PCDHA3: variants seen among roughly 807,000 people sequenced by gnomAD.
The protein encoded by PCDHA3 is protocadherin alpha-3.
A neutral mutation model predicts 62.2 loss-of-function variants in PCDHA3; 41 were observed. The observed-to-expected ratio is 0.66, with a 90% CI of 0.51 to 0.86. The LOEUF is 0.86. Among genes scored for constraint, PCDHA3 ranks in the 40% least tolerant of loss-of-function variants. PCDHA3 has a pLI of 0.00. For missense variants in PCDHA3, 1,304 were observed against 1,241.2 expected (o/e 1.05, Z -0.76); for synonymous variants, 640 against 555.4 (o/e 1.15, Z -2.14).
At chr5:140,843,257 C>T (rs146582216) in intron 1 of PCDHA3, 1 of 1,595,938 alleles carries the variant, frequency 6.3e-7, no homozygotes, top group African/African-American at 1.3e-5. Flanking sequence ...TCCGCGCCAC[C>T]GTCTGCTGGT....
chr5:140,912,878 T>C (rs2076104558), intron 1 of PCDHA3, among the ~76,000 whole-genome samples: 1 of 152,236 alleles, frequency 6.6e-6, no homozygotes, highest in Non-Finnish European at 1.5e-5. Flanking sequence ...GTTTTTGGTC[T>C]TCATTCTGTT....
At position 140,822,955 on chromosome 5, in the gene PCDHA3, T is replaced by G. The variant is rs2150120755; in HGVS notation, c.2394+19364T>G. Reference sequence around the variant, plus strand: ...CTGCTCCCTAATGCCCCACGTTCCCTTCAAGCTGGTGTCCACCTTCAAGAA... The same window carrying G: ...CTGCTCCCTAATGCCCCACGTTCCCGTCAAGCTGGTGTCCACCTTCAAGAA... On this transcript the variant is annotated intron_variant, in intron 1 of 3. Transcript: ENST00000522353. The G allele has an allele frequency of 3.7e-6, 6 of 1,614,108 alleles. No homozygotes were observed. The African/African-American group carries it at 8.0e-5, about 22-fold the overall frequency.
intron 1 of PCDHA3, among the ~76,000 whole-genome samples, chr5:140,817,910 A>G (rs191230679): frequency 6.6e-6 from 1 of 152,180 alleles, no homozygotes; most frequent in African/African-American, 2.4e-5. Context: ...ATGACATTCC[A>G]TGGTCTTCTT....
chr5:140,843,565 G>T, intron 1 of PCDHA3: 1 of 1,595,918 alleles, frequency 6.3e-7, no homozygotes, highest in South Asian at 1.1e-5. Flanking sequence ...TGGGGAGCTG[G>T]TCATACTCGC....
chr5:140,928,128 A>C (rs782708968), intron 1 of PCDHA3: 1 of 1,614,194 alleles, frequency 6.2e-7, no homozygotes, highest in Admixed American at 1.7e-5. Context: ...GTGAATACCA[A>C]GTCCTGATCA....
rs782473874 is a variant in PCDHA3, at chr5:140,801,229, C to G, written c.32C>G (p.Ala11Gly). 13 of 1,612,092 alleles carry G rather than the reference C, an allele frequency of 8.1e-6. No homozygotes were observed. In the Admixed American group the frequency reaches 1.3e-4, roughly 17 times the overall value. MLFSWREDPG[A>G]QCLLLSLLLL... ...TTCTCCTGGCGAGAAGATCCTGGAGCCCAGTGCCTGCTGCTTTCTCTTCTG... is the reference window on the plus strand; with the variant it reads ...TTCTCCTGGCGAGAAGATCCTGGAGGCCAGTGCCTGCTGCTTTCTCTTCTG... The change falls in exon 1 of 4, where the codon GCC becomes GGC. Residue 11 changes from alanine (A) to glycine (G), a missense_variant. Transcript: ENST00000522353.
At chr5:140,967,022 A>G (rs2096084806) in intron 1 of PCDHA3, 1 of 1,608,014 alleles carries the variant, frequency 6.2e-7, no homozygotes, top group Middle Eastern at 1.7e-4. Context: ...GGGTGCGCCC[A>G]GTCCGCGCTA....
chr5:140,804,881 C>A, intron 1 of PCDHA3: 1 of 583,968 alleles, frequency 1.7e-6, no homozygotes, highest in Non-Finnish European at 2.7e-6. Flanking sequence ...TTTCTTGACT[C>A]CTCTCCTTCC....
At chr5:141,000,743 T>TA (rs527867626) in intron 3 of PCDHA3, among the ~76,000 whole-genome samples, 4,963 of 145,376 alleles carry the variant, frequency 0.034, 280 homozygotes, top group African/African-American at 0.12. Flanking sequence ...CTCTGTATAT[T>TA]AAAAAAAAAA....
At chr5:140,966,712 T>C (rs2153748592) in intron 1 of PCDHA3, 2 of 1,392,090 alleles carry the variant, frequency 1.4e-6, no homozygotes, top group Middle Eastern at 2.7e-4. Flanking sequence ...GGGGCACGGC[T>C]GGGGAAGCTG....
chr5:140,844,416 T>C (rs2150371030), intron 1 of PCDHA3, among the ~76,000 whole-genome samples: 3 of 149,642 alleles, frequency 2.0e-5, no homozygotes, highest in Admixed American at 6.7e-5. Context: ...TGGAGACATG[T>C]TTTTTATTCT....
At chr5:140,845,616 T>C (rs1554140941) in intron 1 of PCDHA3, among the ~76,000 whole-genome samples, 1 of 149,626 alleles carries the variant, frequency 6.7e-6, no homozygotes, top group Non-Finnish European at 1.5e-5. Flanking sequence ...TATTGTGGAT[T>C]CTGAAGCTCT....
intron 1 of PCDHA3, chr5:140,835,006 T>A: frequency 7.2e-7 from 1 of 1,393,804 alleles, no homozygotes; most frequent in Non-Finnish European, 9.7e-7. Context: ...ACTCCGGAGC[T>A]TCATTTATTG....
At chr5:140,805,226 G>C (rs1763529564) in intron 1 of PCDHA3, 1 of 1,393,956 alleles carries the variant, frequency 7.2e-7, no homozygotes, top group Non-Finnish European at 9.3e-7. Flanking sequence ...TTTCTATTCT[G>C]CTGCATTCCC....
intron 1 of PCDHA3, among the ~76,000 whole-genome samples, chr5:140,931,490 C>T (rs1209591038): frequency 6.6e-6 from 1 of 151,888 alleles, no homozygotes; most frequent in Non-Finnish European, 1.5e-5. Flanking sequence ...ACCCTTCAAA[C>T]CAAATTTTTA....
At chr5:140,834,528 G>A (rs2150220380) in intron 1 of PCDHA3, 2 of 1,614,086 alleles carry the variant, frequency 1.2e-6, no homozygotes, top group Non-Finnish European at 8.5e-7. Context: ...GGGCCGCATC[G>A]CGCAGGACCT....
chr5:140,871,193 T>G (rs782048235), intron 1 of PCDHA3: 2 of 1,613,630 alleles, frequency 1.2e-6, no homozygotes, highest in African/African-American at 1.3e-5. Flanking sequence ...GATGTCAACG[T>G]GTACCTGATC....
intron 1 of PCDHA3, chr5:140,861,112 C>T (rs1554154163): frequency 2.0e-5 from 3 of 152,522 alleles, no homozygotes; most frequent in Admixed American, 6.5e-5. Flanking sequence ...TTAAAAACTA[C>T]AAACACCCAT....
intron 1 of PCDHA3, among the ~76,000 whole-genome samples, chr5:140,888,973 A>G (rs1173174070): frequency 2.6e-5 from 4 of 152,078 alleles, no homozygotes; most frequent in African/African-American, 9.7e-5. Flanking sequence ...TAATGTGTTG[A>G]ATTTATGATT....
Sources: allele counts gnomAD v4.1 joint callset (sites outside exome capture counted in the v4.1 genomes callset), GRCh38; gene constraint gnomAD v4.1.1; transcripts MANE v1.5; gene names NCBI Gene and HGNC (gene_info 2026-07-23, HGNC 2026-07-21).